Variants in RIMS1 observed in about 807,000 individuals in gnomAD.
RIMS1 encodes regulating synaptic membrane exocytosis 1, also known as regulating synaptic membrane exocytosis protein 1.
RIMS1 carries 83 observed loss-of-function variants against 214.1 expected under a neutral mutation model. The ratio of observed to expected loss-of-function variants is 0.39; its 90% CI spans 0.32 to 0.47. The LOEUF is 0.47. RIMS1 is among the 20% of genes least tolerant of loss of function. RIMS1 has a pLI of 0.99. For synonymous variants in RIMS1, 793 were observed against 786.8 expected (o/e 1.01, Z -0.13); for missense variants, 2,050 against 2,161.8 (o/e 0.95, Z 1.03).
intron 4 of RIMS1, among the ~76,000 whole-genome samples, chr6:72,164,391 C>G (rs1021662129): frequency 2.0e-5 from 3 of 152,110 alleles, no homozygotes; most frequent in Non-Finnish European, 2.9e-5. Context: ...GCACTGCACC[C>G]ACTGTCCTGC....
intron 1 of RIMS1, among the ~76,000 whole-genome samples, chr6:71,897,662 GTTTTA>G (rs1045205634): frequency 1.1e-4 from 17 of 152,068 alleles, no homozygotes; most frequent in Non-Finnish European, 2.5e-4. Flanking sequence ...TCTTTTGATT[GTTTTA>G]TTTGATTTTT....
chr6:72,371,128 G>A (rs1199508205), intron 29 of RIMS1, among the ~76,000 whole-genome samples: 2 of 152,092 alleles, frequency 1.3e-5, no homozygotes, highest in African/African-American at 4.8e-5. Context: ...ATATCTCTGT[G>A]TGTCTGTGTC....
chr6:71,957,999 C>T (rs530950128), intron 1 of RIMS1, among the ~76,000 whole-genome samples: 145 of 152,180 alleles, frequency 9.5e-4, no homozygotes, highest in Admixed American at 1.7e-3. Context: ...CAGGGCAGAG[C>T]TGTATAAAGG....
At chr6:72,262,821 C>A in intron 19 of RIMS1, 1 of 719,994 alleles carries the variant, frequency 1.4e-6, no homozygotes, top group Non-Finnish European at 1.7e-6. Context: ...ATACCATGTT[C>A]ACTTAGGACT....
Position 72,307,358 on chromosome 6 carries a change from G to C in RIMS1, c.3951G>C (p.Glu1317Asp). 1.3e-6 allele frequency: 2 copies of C among 1,593,944 alleles called. No individual in the cohort carries two copies. Among genetic ancestry groups the C allele is most frequent in the Non-Finnish European group, 1.7e-6 (2 of 1,168,494 alleles). Residue 1317 changes from glutamate (E) to aspartate (D), a missense_variant, in exon 27 of 34, where the codon GAG becomes GAC. Physicochemically the swap from Glu to Asp is conservative, Grantham distance 45 (BLOSUM62 2). Around this residue, in one of 6 missense-constraint regions of RIMS1, gnomAD observed 889 missense variants for 885.5 expected, o/e 1.00. Transcript: ENST00000521978. ...GTTCTAGTCAAGAACTTGATCGCGA[G>C]CAATATTCCAAGGTAAAATTAGTAG... ...GSGSSQELDR[E>D]QYSKYNIHKD...
intron 1 of RIMS1, among the ~76,000 whole-genome samples, chr6:71,890,591 A>C (rs951102567): frequency 6.8e-6 from 1 of 147,330 alleles, no homozygotes; most frequent in Admixed American, 6.8e-5. Flanking sequence ...AAAAAAAAAA[A>C]AAAAAACTTC....
intron 28 of RIMS1, 63 bp downstream of exon 28, chr6:72,313,735 C>T: frequency 8.2e-6 from 12 of 1,463,474 alleles, no homozygotes; most frequent in Middle Eastern, 1.8e-4. Context: ...ATACAACTAG[C>T]TTCCTGAATA....
chr6:72,204,332 C>T (rs2052542389), intron 6 of RIMS1, among the ~76,000 whole-genome samples: 1 of 152,192 alleles, frequency 6.6e-6, no homozygotes, highest in African/African-American at 2.4e-5. Flanking sequence ...TGGTGAAACT[C>T]CTGTAGATTA....
At chr6:72,064,628 A>T (rs960573538) in intron 2 of RIMS1, among the ~76,000 whole-genome samples, 4 of 152,206 alleles carry the variant, frequency 2.6e-5, no homozygotes, top group Admixed American at 1.3e-4. Flanking sequence ...AAGCGATTTA[A>T]CCTCACTGGA....
intron 29 of RIMS1, among the ~76,000 whole-genome samples, chr6:72,367,293 T>C (rs1459633099): frequency 6.6e-6 from 1 of 152,210 alleles, no homozygotes; most frequent in Non-Finnish European, 1.5e-5. Flanking sequence ...TCAGCTATAC[T>C]GTATACAATA....
chr6:72,283,943 A>C (rs2091352465), intron 23 of RIMS1, 104 bp from the exon 24 acceptor site: 1 of 789,622 alleles, frequency 1.3e-6, no homozygotes, highest in African/African-American at 1.7e-5. Context: ...AAAATCATTT[A>C]GGTAATATAG....
At chr6:72,051,087 G>A (rs1312797484) in intron 2 of RIMS1, among the ~76,000 whole-genome samples, 3 of 152,052 alleles carry the variant, frequency 2.0e-5, no homozygotes, top group East Asian at 3.9e-4. Flanking sequence ...GAGAGTTGCC[G>A]CTATGTCAAT....
At chr6:72,034,757 C>T (rs921980499) in intron 2 of RIMS1, among the ~76,000 whole-genome samples, 2 of 151,978 alleles carry the variant, frequency 1.3e-5, no homozygotes, top group South Asian at 2.1e-4. Context: ...GACTTATTAA[C>T]GAGTTAGGTT....
intron 1 of RIMS1, among the ~76,000 whole-genome samples, chr6:71,951,518 C>G (rs1357901113): frequency 7.5e-6 from 1 of 133,992 alleles, no homozygotes; most frequent in Non-Finnish European, 1.5e-5. Flanking sequence ...GTGACAGAGT[C>G]TCCACTCTGT....
chr6:72,206,190 G>A (rs1044055591), intron 6 of RIMS1, among the ~76,000 whole-genome samples: 17 of 152,008 alleles, frequency 1.1e-4, no homozygotes, highest in African/African-American at 4.1e-4. Context: ...CGATCAAGTT[G>A]TTTTCTGTGT....
At chr6:72,159,841 T>G (rs975803164) in intron 4 of RIMS1, among the ~76,000 whole-genome samples, 1 of 140,210 alleles carries the variant, frequency 7.1e-6, no homozygotes, top group African/African-American at 2.5e-5. Flanking sequence ...CCAGCTTTGT[T>G]CTTTTGGCTA....
chr6:71,960,336 G>A (rs1294055364), intron 1 of RIMS1, among the ~76,000 whole-genome samples: 5 of 152,078 alleles, frequency 3.3e-5, no homozygotes, highest in African/African-American at 4.8e-5. Flanking sequence ...TAGCTGTGAG[G>A]GGTGCTGGAA....
At chr6:72,172,861 A>C (rs2047212637) in intron 4 of RIMS1, among the ~76,000 whole-genome samples, 1 of 152,120 alleles carries the variant, frequency 6.6e-6, no homozygotes, top group African/African-American at 2.4e-5. Flanking sequence ...TGCTCCCAGA[A>C]TCCTCATTCT....
At chr6:72,347,278 T>A (rs917153801) in intron 29 of RIMS1, among the ~76,000 whole-genome samples, 1 of 151,854 alleles carries the variant, frequency 6.6e-6, no homozygotes, top group African/African-American at 2.4e-5. Context: ...AAGGACCAAG[T>A]CTGTGATTTC....
Sources: gnomAD v4.1 joint callset for allele counts (sites outside exome capture counted in the v4.1 genomes callset) on GRCh38, gnomAD v4.1.1 for gene constraint, gnomAD v4.1.1 regional missense constraint, MANE v1.5 for transcripts, NCBI Gene and HGNC (gene_info 2026-07-23, HGNC 2026-07-21) for gene names.